TRIM37: variants seen among roughly 807,000 people sequenced by gnomAD.
The protein encoded by TRIM37 is tripartite motif containing 37, also known as E3 ubiquitin-protein ligase TRIM37.
Under a neutral mutation model 129.8 loss-of-function variants are expected in TRIM37, and 80 were observed. That is an observed-to-expected ratio of 0.62 (90% confidence interval 0.51 to 0.74). The LOEUF is 0.74. TRIM37 is among the 30% of genes least tolerant of loss of function. The pLI is 0.00. For missense variants in TRIM37, 1,054 were observed against 1,176.5 expected (o/e 0.90, Z 1.52); for synonymous variants, 389 against 387.1 (o/e 1.00, Z -0.06).
intron 2 of TRIM37, among the ~76,000 whole-genome samples, chr17:59,103,302 G>A (rs549705934): frequency 3.9e-5 from 6 of 152,032 alleles, no homozygotes; most frequent in East Asian, 1.9e-4. Flanking sequence ...TTGGACTCTC[G>A]CATACACAAC....
chr17:58,976,708 A>G, the TRIM37 span, among the ~76,000 whole-genome samples: 1 of 152,182 alleles, frequency 6.6e-6, no homozygotes, highest in Non-Finnish European at 1.5e-5. Context: ...GCGAAATGTC[A>G]TGAATTTGAC....
intron 22 of TRIM37, among the ~76,000 whole-genome samples, chr17:59,009,114 A>G (rs1477927600): frequency 1.3e-5 from 2 of 152,162 alleles, no homozygotes; most frequent in East Asian, 3.9e-4. Flanking sequence ...TAGCTCTTCC[A>G]AGTTCTTTTT....
chr17:59,051,907 G>A (rs1236171265), intron 13 of TRIM37, among the ~76,000 whole-genome samples: 1 of 151,930 alleles, frequency 6.6e-6, no homozygotes, highest in South Asian at 2.1e-4. Context: ...ATTTTTTGTA[G>A]CAAAATACAA....
intron 2 of TRIM37, among the ~76,000 whole-genome samples, chr17:59,103,655 T>G (rs923142218): frequency 2.0e-5 from 3 of 149,968 alleles, no homozygotes; most frequent in African/African-American, 4.9e-5. Flanking sequence ...TTCAAGTTTT[T>G]TTTTTTTTTT....
intron 16 of TRIM37, 67 bp from the exon 17 acceptor site, chr17:59,041,965 T>A: frequency 9.1e-7 from 1 of 1,098,594 alleles, no homozygotes; most frequent in Non-Finnish European, 1.4e-6. Flanking sequence ...CACACCTCAA[T>A]AAATTTTATG....
chr17:59,017,692 T>C (rs1239251130), intron 19 of TRIM37, among the ~76,000 whole-genome samples: 2 of 152,102 alleles, frequency 1.3e-5, no homozygotes, highest in African/African-American at 2.4e-5. Context: ...TGGAGCGATC[T>C]TGGCTCACTA....
chr17:59,083,944 G>A, intron 5 of TRIM37, 58 bp downstream of exon 5: 2 of 1,343,852 alleles, frequency 1.5e-6, no homozygotes, highest in South Asian at 2.3e-5. Context: ...ATCTGAATAA[G>A]TATTTCAGTG....
chr17:59,066,192 C>G (rs2041908458), intron 9 of TRIM37, among the ~76,000 whole-genome samples: 1 of 152,192 alleles, frequency 6.6e-6, no homozygotes. Flanking sequence ...GCCTAGGAAG[C>G]CTTTCTGGAA....
downstream of TRIM37, among the ~76,000 whole-genome samples, chr17:58,993,494 A>G (rs929457318): frequency 1.3e-5 from 2 of 152,260 alleles, no homozygotes; most frequent in African/African-American, 4.8e-5. Context: ...TTCACACAAG[A>G]TGAGTGAAAC....
intron 21 of TRIM37, among the ~76,000 whole-genome samples, chr17:59,014,018 A>T (rs1725743700): frequency 6.6e-6 from 1 of 152,226 alleles, no homozygotes; most frequent in Non-Finnish European, 1.5e-5. Context: ...TGTATATTTA[A>T]TTGTGGTGAC....
chr17:59,012,722 CA>C (rs1313679958), intron 21 of TRIM37, among the ~76,000 whole-genome samples: 4 of 151,812 alleles, frequency 2.6e-5, no homozygotes, highest in Non-Finnish European at 5.9e-5. Context: ...ACTAAAAATA[CA>C]AAAATTAGCC....
chr17:59,096,115 T>C (rs1301337241), intron 2 of TRIM37, among the ~76,000 whole-genome samples: 1 of 152,204 alleles, frequency 6.6e-6, no homozygotes, highest in African/African-American at 2.4e-5. Context: ...AGCTGTCCTT[T>C]TGTTCATTTC....
chr17:59,062,530 T>C, intron 11 of TRIM37, 37 bp downstream of exon 11: 1 of 1,543,244 alleles, frequency 6.5e-7, no homozygotes, highest in South Asian at 1.1e-5. Context: ...AAGAAAGACC[T>C]TGGTTTCAAA....
chr17:59,083,102 T>A (rs1190034435), intron 5 of TRIM37, among the ~76,000 whole-genome samples: 1 of 152,192 alleles, frequency 6.6e-6, no homozygotes, highest in African/African-American at 2.4e-5. Context: ...TCAACCTATT[T>A]ATGCCAATTG....
intron 5 of TRIM37, among the ~76,000 whole-genome samples, chr17:59,083,283 A>C (rs767438291): frequency 3.9e-5 from 6 of 152,102 alleles, no homozygotes; most frequent in African/African-American, 9.7e-5. Context: ...TAAAAATACA[A>C]AATTAGCCAG....
At chr17:59,024,537 T>C (rs1356268941) in intron 19 of TRIM37, among the ~76,000 whole-genome samples, 2 of 152,180 alleles carry the variant, frequency 1.3e-5, no homozygotes, top group African/African-American at 4.8e-5. Context: ...AATTAGTCTC[T>C]CTTTTTTTAA....
At chr17:58,985,359 T>TAAA (rs1755882487) in intron 24 of TRIM37, among the ~76,000 whole-genome samples, 1 of 152,170 alleles carries the variant, frequency 6.6e-6, no homozygotes, top group Admixed American at 6.5e-5. Context: ...AGAAGAGAGG[T>TAAA]ATTTAGCCTT....
intron 14 of TRIM37, among the ~76,000 whole-genome samples, chr17:59,050,518 C>G (rs966562192): frequency 1.3e-5 from 2 of 151,736 alleles, no homozygotes; most frequent in African/African-American, 4.8e-5. Flanking sequence ...CATGGAGAAA[C>G]CCATCTCCAC....
chr17:59,034,607 G>A (rs1307215064), intron 17 of TRIM37, among the ~76,000 whole-genome samples: 1 of 151,918 alleles, frequency 6.6e-6, no homozygotes, highest in African/African-American at 2.4e-5. Flanking sequence ...TGATTGGCCC[G>A]CCTCAGCCTC....
Sources: gnomAD v4.1 joint callset for allele counts (sites outside exome capture counted in the v4.1 genomes callset) on GRCh38, gnomAD v4.1.1 for gene constraint, MANE v1.5 for transcripts, NCBI Gene and HGNC (gene_info 2026-07-23, HGNC 2026-07-21) for gene names.